Variants in LRRC4C observed in about 807,000 individuals in gnomAD.
LRRC4C encodes the protein leucine rich repeat containing 4C.
In LRRC4C, 5 loss-of-function variants were observed where a neutral mutation model predicts 33.6. That is an observed-to-expected ratio of 0.15 (90% CI 0.08 to 0.31). LRRC4C has a LOEUF of 0.31. Among genes scored for constraint, LRRC4C ranks in the 10% least tolerant of loss-of-function variants. The probability of loss-of-function intolerance (pLI) is 1.00; values close to 1 mark genes in which losing one functional copy is unlikely to be tolerated. For missense variants in LRRC4C, 560 were observed against 796.7 expected, an observed-to-expected ratio of 0.70 and a Z score of 3.58; for synonymous variants, 329 against 302.0, an observed-to-expected ratio of 1.09 and a Z score of -0.93.
chr11:40,972,885 C>T (rs1268682364), intron 1 of LRRC4C, among the ~76,000 whole-genome samples: 1 of 152,090 alleles, frequency 6.6e-6, no homozygotes, highest in African/African-American at 2.4e-5. Flanking sequence ...AATCTCATGT[C>T]AAATTGTAAT....
chr11:40,228,920 T>C (rs1865001102), intron 5 of LRRC4C, among the ~76,000 whole-genome samples: 1 of 152,208 alleles, frequency 6.6e-6, no homozygotes, highest in Non-Finnish European at 1.5e-5. Context: ...CCAATGAATA[T>C]GTATATTGAA....
intron 2 of LRRC4C, among the ~76,000 whole-genome samples, chr11:40,715,022 G>A (rs1009350606): frequency 3.9e-5 from 6 of 152,126 alleles, no homozygotes; most frequent in African/African-American, 1.4e-4. Flanking sequence ...AGGCAACTAT[G>A]TATTACCAAC....
At chr11:41,359,930 C>T (rs532335789) in intron 1 of LRRC4C, among the ~76,000 whole-genome samples, 2 of 152,156 alleles carry the variant, frequency 1.3e-5, no homozygotes. Flanking sequence ...TGCCTGTAAC[C>T]CCAGCACTTT....
intron 4 of LRRC4C, among the ~76,000 whole-genome samples, chr11:40,302,241 T>C (rs1302560640): frequency 2.0e-5 from 3 of 152,198 alleles, no homozygotes; most frequent in Non-Finnish European, 4.4e-5. Flanking sequence ...CAATTGACAA[T>C]CTTGAAAAGG....
intron 1 of LRRC4C, among the ~76,000 whole-genome samples, chr11:41,054,832 G>C (rs1409679800): frequency 6.6e-6 from 1 of 152,194 alleles, no homozygotes; most frequent in African/African-American, 2.4e-5. Context: ...AGTGTGATGA[G>C]TGTTGTAAAA....
intron 1 of LRRC4C, among the ~76,000 whole-genome samples, chr11:41,407,116 GA>G (rs1235291258): frequency 6.6e-6 from 1 of 152,060 alleles, no homozygotes; most frequent in East Asian, 1.9e-4. Context: ...CTCTGAATTT[GA>G]AAGGTCTTTC....
At chr11:40,428,778 G>A (rs1950807801) in intron 3 of LRRC4C, among the ~76,000 whole-genome samples, 2 of 152,130 alleles carry the variant, frequency 1.3e-5, no homozygotes, top group African/African-American at 2.4e-5. Flanking sequence ...GGTACAGTCA[G>A]CAGATATCAA....
intron 1 of LRRC4C, among the ~76,000 whole-genome samples, chr11:41,419,442 T>C (rs747501100): frequency 6.6e-6 from 1 of 151,724 alleles, no homozygotes; most frequent in Non-Finnish European, 1.5e-5. Context: ...AAGCTGGAAG[T>C]AGAAGGACAC....
At chr11:41,298,369 A>C (rs1463235562) in intron 1 of LRRC4C, among the ~76,000 whole-genome samples, 2 of 151,792 alleles carry the variant, frequency 1.3e-5, no homozygotes, top group Admixed American at 1.3e-4. Flanking sequence ...TTAGACAGAA[A>C]TGTGTCACAT....
chr11:41,052,469 T>C (rs1858305013), intron 1 of LRRC4C, among the ~76,000 whole-genome samples: 1 of 151,810 alleles, frequency 6.6e-6, no homozygotes, highest in Non-Finnish European at 1.5e-5. Flanking sequence ...TCCTGGCATC[T>C]GGTATGTTCC....
intron 2 of LRRC4C, among the ~76,000 whole-genome samples, chr11:40,763,232 A>G (rs1160780578): frequency 6.6e-6 from 1 of 151,946 alleles, no homozygotes; most frequent in Non-Finnish European, 1.5e-5. Context: ...CAAGGGGGTG[A>G]TATCTGCTAG....
intron 1 of LRRC4C, among the ~76,000 whole-genome samples, chr11:41,183,091 C>T (rs1192322080): frequency 2.0e-5 from 3 of 152,034 alleles, no homozygotes; most frequent in Admixed American, 1.3e-4. Context: ...CCCACTGGGT[C>T]CCTCCCATGA....
At chr11:41,410,447 T>C (rs890589288) in intron 1 of LRRC4C, among the ~76,000 whole-genome samples, 1 of 150,870 alleles carries the variant, frequency 6.6e-6, no homozygotes, top group Non-Finnish European at 1.5e-5. Flanking sequence ...TGTTTCGCTC[T>C]GTCACCCAGG....
chr11:40,176,095 G>T (rs1860459818), intron 5 of LRRC4C, among the ~76,000 whole-genome samples: 1 of 152,122 alleles, frequency 6.6e-6, no homozygotes, highest in South Asian at 2.1e-4. Flanking sequence ...AGAATGAGAT[G>T]ACATAATAAT....
At chr11:41,186,846 A>T (rs1945715065) in intron 1 of LRRC4C, among the ~76,000 whole-genome samples, 1 of 152,176 alleles carries the variant, frequency 6.6e-6, no homozygotes, top group South Asian at 2.1e-4. Context: ...TTGTTTCCTA[A>T]GGATTTTCTA....
intron 4 of LRRC4C, among the ~76,000 whole-genome samples, chr11:40,315,567 A>G (rs981589663): frequency 6.6e-6 from 1 of 151,978 alleles, no homozygotes; most frequent in Admixed American, 6.5e-5. Context: ...GAGCAGCAGC[A>G]TTGTGAAACA....
At position 40,912,687 on chromosome 11, in the gene LRRC4C, C is replaced by A. The variant is rs551882863; in HGVS notation, c.-407+20948G>T. Among the ~76,000 whole-genome samples the A allele has an allele frequency of 1.1e-4, 16 of 152,212 alleles. 1 individual carries two copies. The East Asian group carries it at 2.9e-3, about 28-fold the overall frequency. On this transcript the variant is annotated intron_variant, in intron 2 of 6. Coordinates refer to ENST00000528697, the MANE Select transcript of LRRC4C (RefSeq NM_001258419.2). The stretch of plus-strand genomic sequence containing the variant: ...CATCATAATGACAGGATCAAATTCA[C>A]ACATAACAATATTAACCTTAAATGT...
intron 1 of LRRC4C, among the ~76,000 whole-genome samples, chr11:41,028,537 C>T (rs551141223): frequency 1.3e-5 from 2 of 150,034 alleles, no homozygotes; most frequent in South Asian, 2.1e-4. Context: ...TATCACTTTC[C>T]TTTCTAAAAC....
intron 3 of LRRC4C, among the ~76,000 whole-genome samples, chr11:40,473,330 A>G (rs1159504531): frequency 6.6e-6 from 1 of 152,202 alleles, no homozygotes; most frequent in African/African-American, 2.4e-5. Context: ...TCCATCACAT[A>G]AACAGAACAA....
Sources: gnomAD v4.1 joint callset for allele counts (sites outside exome capture counted in the v4.1 genomes callset) on GRCh38, gnomAD v4.1.1 for gene constraint, MANE v1.5 for transcripts, NCBI Gene and HGNC (gene_info 2026-07-23, HGNC 2026-07-21) for gene names.